The following TUBGCP2 variants were observed in gnomAD, a reference collection of about 807,000 sequenced individuals.
The protein encoded by TUBGCP2 is gamma-tubulin complex component 2.
TUBGCP2 carries 55 observed loss-of-function variants against 92.2 expected under a neutral mutation model. The ratio of observed to expected loss-of-function variants is 0.60; its 90% CI spans 0.48 to 0.75. The LOEUF (loss-of-function observed/expected upper bound fraction) is 0.75, where lower values mean the gene tolerates loss of function less well. Ranked by LOEUF, TUBGCP2 falls within the 30% of genes least tolerant of loss-of-function variation. The probability of loss-of-function intolerance (pLI) is 0.00; values close to 1 mark genes in which losing one functional copy is unlikely to be tolerated. For missense variants in TUBGCP2, 1,093 were observed against 1,188.9 expected (o/e 0.92, Z 1.19); for synonymous variants, 533 against 505.2 (o/e 1.06, Z -0.74).
At position 133,291,252 on chromosome 10, in the gene TUBGCP2, A is replaced by G. The variant is rs551593318; in HGVS notation, c.1214+1247T>C. On this transcript the variant is annotated intron_variant, in intron 8 of 17. Coordinates refer to ENST00000252936, the MANE Select transcript of TUBGCP2 (RefSeq NM_006659.4). Reference sequence around the variant, plus strand: ...GCAGCACGCGCCCTCCGTGTCCCCCATGTCCCTCCGTGTCCCCCATGTCCC... The same window carrying G: ...GCAGCACGCGCCCTCCGTGTCCCCCGTGTCCCTCCGTGTCCCCCATGTCCC... 3.1e-3 allele frequency among the ~76,000 whole-genome samples: 205 copies of G among 65,222 alleles called. 10 individuals are homozygous for G. In the African/African-American group the frequency reaches 0.048, roughly 15 times the overall value. 42.8% of individuals were successfully genotyped at this position (65,222 alleles called of 152,430 possible). A position where few individuals can be genotyped will look rare whatever the true frequency, so the allele number is the denominator to read the frequency against.
chr10:133,309,576 C>G, upstream of TUBGCP2: 1 of 1,339,226 alleles, frequency 7.5e-7, no homozygotes, highest in East Asian at 2.5e-5. Flanking sequence ...CCCACCGAGG[C>G]GCTGTGCCTG....
intron 7 of TUBGCP2, 42 bp from the exon 8 acceptor site, chr10:133,292,730 A>AC: frequency 6.3e-7 from 1 of 1,578,172 alleles, no homozygotes. Context: ...AAGGAAGCGC[A>AC]CGCCCAGCCT....
chr10:133,288,013 C>G, intron 11 of TUBGCP2, 116 bp downstream of exon 11: 1 of 1,350,814 alleles, frequency 7.4e-7, no homozygotes, highest in South Asian at 1.6e-5. Flanking sequence ...GAAACAGACC[C>G]TGCGGTCGCC....
At position 133,279,905 on chromosome 10, in the gene TUBGCP2, T is replaced by C; in HGVS notation, c.2574-4A>G. 1 of 1,609,240 alleles carries C rather than the reference T, an allele frequency of 6.2e-7. No homozygotes were observed. Among genetic ancestry groups the C allele is most frequent in the Non-Finnish European group, 8.5e-7 (1 of 1,178,284 alleles). The stretch of plus-strand genomic sequence containing the variant: ...GTAGAAACCATTGAAGTCAAGCCTG[T>C]GAGGAAGGACAGTGGAGCTGGGGTG... On this transcript the variant is annotated splice_polypyrimidine_tract_variant and splice_region_variant and intron_variant, in intron 17 of 17. Transcript: ENST00000252936.
At position 133,279,756 on chromosome 10, in the gene TUBGCP2, C is replaced by T. The variant is rs1362442409; in HGVS notation, c.*10G>A. ...GACCCCACACCCTTCCTTCCTGTCA[C>T]AGCCAGGGCTCACTGTGCGGTGACT... On this transcript the variant is annotated 3_prime_UTR_variant, in exon 18 of 18. Coordinates refer to ENST00000252936, the MANE Select transcript of TUBGCP2 (RefSeq NM_006659.4). 2.6e-6 allele frequency: 4 copies of T among 1,551,364 alleles called. No individual in the cohort carries two copies. Among genetic ancestry groups the T allele is most frequent in the Middle Eastern group, 3.3e-4 (2 of 6,004 alleles).
intron 1 of TUBGCP2, among the ~76,000 whole-genome samples, chr10:133,308,158 A>G (rs1847873146): frequency 6.6e-6 from 1 of 152,204 alleles, no homozygotes; most frequent in Non-Finnish European, 1.5e-5. Flanking sequence ...GTAGATCTGA[A>G]GCGTCCACTG....
intron 3 of TUBGCP2, among the ~76,000 whole-genome samples, 168 bp downstream of exon 3, chr10:133,299,817 G>A (rs1847593815): frequency 6.6e-6 from 1 of 152,200 alleles, no homozygotes; most frequent in Admixed American, 6.5e-5. Context: ...CCCAACATGG[G>A]TTATCTTTCA....
upstream of TUBGCP2, chr10:133,310,298 C>A (rs746442347): frequency 1.2e-6 from 2 of 1,613,754 alleles, no homozygotes. Flanking sequence ...GGTAGGGAGC[C>A]GCCAGGCTCA....
chr10:133,309,955 T>G (rs897209614), upstream of TUBGCP2: 3 of 1,613,132 alleles, frequency 1.9e-6, no homozygotes, highest in Non-Finnish European at 2.5e-6. Flanking sequence ...CTCTTCCAGA[T>G]CCTGTCTGAG....
At chr10:133,284,044 G>GCC in intron 13 of TUBGCP2, 42 bp from the exon 14 acceptor site, 1 of 1,599,814 alleles carries the variant, frequency 6.3e-7, no homozygotes, top group Admixed American at 1.7e-5. Flanking sequence ...GGAGGACGCG[G>GCC]CCCCGACAGC....
intron 6 of TUBGCP2, 124 bp from the exon 7 acceptor site, chr10:133,293,362 G>C (rs1285930956): frequency 7.8e-7 from 1 of 1,283,872 alleles, no homozygotes; most frequent in East Asian, 2.5e-5. Flanking sequence ...TCCCAGAGGG[G>C]AACTTTTGCC....
intron 5 of TUBGCP2, chr10:133,295,231 G>A (rs1245715508): frequency 1.3e-5 from 2 of 152,312 alleles, no homozygotes; most frequent in African/African-American, 4.8e-5. Flanking sequence ...CAGATCGCTT[G>A]ACTCCAGGAG....
intron 8 of TUBGCP2, 115 bp from the exon 9 acceptor site, chr10:133,290,084 G>A: frequency 7.1e-7 from 1 of 1,413,720 alleles, no homozygotes; most frequent in Non-Finnish European, 9.7e-7. Context: ...ACACTTCCAA[G>A]TAACGTTCCA....
intron 13 of TUBGCP2, 33 bp from the exon 14 acceptor site, chr10:133,284,035 G>A: frequency 6.2e-7 from 1 of 1,608,382 alleles, no homozygotes; most frequent in African/African-American, 1.3e-5. Flanking sequence ...GACAGCCATG[G>A]AGGACGCGGC....
chr10:133,304,066 C>A (rs1010976587), intron 1 of TUBGCP2, among the ~76,000 whole-genome samples: 10 of 152,228 alleles, frequency 6.6e-5, no homozygotes, highest in Admixed American at 2.0e-4. Context: ...TGTGCAGTGG[C>A]TCTCGCCTGG....
intron 1 of TUBGCP2, among the ~76,000 whole-genome samples, chr10:133,304,269 G>A (rs1219516682): frequency 6.6e-6 from 1 of 152,140 alleles, no homozygotes; most frequent in Non-Finnish European, 1.5e-5. Context: ...CAGCCTGGGC[G>A]ACAGAGGGAG....
At chr10:133,289,698 C>T (rs1196672093) in intron 9 of TUBGCP2, 126 bp downstream of exon 9, 30 of 1,132,528 alleles carry the variant, frequency 2.6e-5, no homozygotes, top group Middle Eastern at 6.3e-4. Context: ...CCCGCATTCA[C>T]GGACACCAGG....
chr10:133,287,857 C>T (rs1200056516), intron 11 of TUBGCP2, among the ~76,000 whole-genome samples: 3 of 152,222 alleles, frequency 2.0e-5, no homozygotes, highest in South Asian at 2.1e-4. Context: ...TGGAGGGACA[C>T]GTGAAAACAA....
At chr10:133,292,771 C>T in intron 7 of TUBGCP2, 83 bp from the exon 8 acceptor site, 3 of 1,448,122 alleles carry the variant, frequency 2.1e-6, no homozygotes, top group East Asian at 2.5e-5. Context: ...GCCCCTCATG[C>T]TTCTCCAACC....
Sources: allele counts gnomAD v4.1 joint callset (sites outside exome capture counted in the v4.1 genomes callset), GRCh38; gene constraint gnomAD v4.1.1; transcripts MANE v1.5; gene names NCBI Gene and HGNC (gene_info 2026-07-23, HGNC 2026-07-21).